The following GALNT1 variants were observed in gnomAD, a reference collection of about 807,000 sequenced individuals.
GALNT1 encodes GalNAc transferase 1.
GALNT1 carries 17 observed loss-of-function variants against 65.7 expected under a neutral mutation model. That is an observed-to-expected ratio of 0.26 (90% confidence interval 0.18 to 0.39). The LOEUF (loss-of-function observed/expected upper bound fraction) is 0.39, where lower values mean the gene tolerates loss of function less well. Among genes scored for constraint, GALNT1 ranks in the 10% least tolerant of loss-of-function variants. GALNT1 has a pLI of 1.00. For missense variants in GALNT1, 460 were observed against 672.8 expected (o/e 0.68, Z 3.50); for synonymous variants, 210 against 219.7 (o/e 0.96, Z 0.39).
In GALNT1 at chr18:35,683,616, G is replaced by C. The variant is rs1568031861; in HGVS notation, c.689+18G>C. ...CATGACAGGTAATTTTCTGGTGTCT[G>C]TAAGTTTGCTTTTAGTACATTTGTC... On this transcript the variant is annotated intron_variant, in intron 5 of 11. Coordinates refer to ENST00000269195, the MANE Select transcript of GALNT1 (RefSeq NM_020474.4). 6.2e-7 allele frequency: 1 copy of C among 1,608,312 alleles called. No individual in the cohort carries two copies. The highest frequency in any genetic ancestry group is 2.2e-5 in the East Asian group (1 of 44,820).
chr18:35,690,181 T>A (rs926844628), intron 7 of GALNT1, among the ~76,000 whole-genome samples: 2 of 152,358 alleles, frequency 1.3e-5, no homozygotes, highest in Admixed American at 1.3e-4. Flanking sequence ...ATTAAGGATG[T>A]AAGCCCATAC....
chr18:35,644,323 A>G (rs1365626854), intron 1 of GALNT1, among the ~76,000 whole-genome samples: 2 of 152,224 alleles, frequency 1.3e-5, no homozygotes, highest in South Asian at 2.1e-4. Context: ...TGGCTATCGA[A>G]TAAGGCTTCT....
chr18:35,632,304 A>G (rs1213109791), intron 1 of GALNT1, among the ~76,000 whole-genome samples: 1 of 152,190 alleles, frequency 6.6e-6, no homozygotes, highest in East Asian at 1.9e-4. Flanking sequence ...AAACTATACT[A>G]CAAGGCTACA....
intron 11 of GALNT1, among the ~76,000 whole-genome samples, chr18:35,707,783 G>T (rs1171160650): frequency 6.6e-6 from 1 of 152,170 alleles, no homozygotes; most frequent in Non-Finnish European, 1.5e-5. Context: ...AGGCCACTGG[G>T]ATAAGCTTTG....
intron 4 of GALNT1, among the ~76,000 whole-genome samples, chr18:35,678,105 G>A (rs1187397211): frequency 2.0e-5 from 3 of 151,960 alleles, no homozygotes; most frequent in Non-Finnish European, 2.9e-5. Flanking sequence ...GAGAGAGACT[G>A]GATTCTGCTT....
rs781622310 is a variant in GALNT1 at position 35,687,149 on chromosome 18, A to G, written c.823A>G (p.Met275Val). The G allele has an allele frequency of 1.2e-6, 2 of 1,613,916 alleles. No individual in the cohort carries two copies. Among genetic ancestry groups the G allele is most frequent in the South Asian group, 1.1e-5 (1 of 91,068 alleles). The stretch of plus-strand genomic sequence containing the variant: ...CTGGTATCCTGTTCCCCAAAGAGAA[A>G]TGGACAGAAGGAAAGGTGATCGGAC... Reference protein sequence around the residue: ...FRWYPVPQREMDRRKGDRTLP... With the variant: ...FRWYPVPQREVDRRKGDRTLP... The change falls in exon 6 of 12, where the codon ATG becomes GTG. Residue 275 changes from methionine (M) to valine (V), a missense_variant. By Grantham distance (21) the Met-to-Val change is conservative (BLOSUM62 1). Transcript: ENST00000269195.
In GALNT1 at chr18:35,677,720, A is replaced by G; in HGVS notation, c.444A>G (p.Ile148Met). 2.5e-6 allele frequency: 4 copies of G among 1,611,282 alleles called. No individual in the cohort carries two copies. Among genetic ancestry groups the G allele is most frequent in the East Asian group, 2.2e-5 (1 of 44,796 alleles). Residue 148 changes from isoleucine to methionine, a missense_variant, in exon 4 of 12, where the codon ATA (isoleucine) becomes ATG (methionine). Transcript: ENST00000269195. ...TTAATCGCTCACCAAGACACATGAT[A>G]GAAGAAATTGTTCTAGTAGATGATG... ...SVINRSPRHM[I>M]EEIVLVDDAS...
intron 9 of GALNT1, among the ~76,000 whole-genome samples, chr18:35,698,210 G>T (rs1043847751): frequency 1.2e-4 from 18 of 152,204 alleles, no homozygotes; most frequent in African/African-American, 4.3e-4. Flanking sequence ...ACTCACACCT[G>T]TAATGGCAGC....
rs556517908 is a variant in GALNT1 at position 35,680,854 on chromosome 18, G to C, written c.482-2537G>C. Among the ~76,000 whole-genome samples, 16 of 152,156 alleles carry C rather than the reference G, an allele frequency of 1.1e-4. No individual in the cohort carries two copies. The East Asian group carries it at 3.1e-3, about 29-fold the overall frequency. Reference sequence around the variant, plus strand: ...TTCTGGTGCAACTTTACTGTTACAGGATCTGTAATAAAGTCAGAATTTGGA... The same window carrying C: ...TTCTGGTGCAACTTTACTGTTACAGCATCTGTAATAAAGTCAGAATTTGGA... On this transcript the variant is annotated intron_variant, in intron 4 of 11. Coordinates refer to ENST00000269195, the MANE Select transcript of GALNT1 (RefSeq NM_020474.4).
intron 1 of GALNT1, among the ~76,000 whole-genome samples, chr18:35,653,555 A>T (rs2047337239): frequency 6.6e-6 from 1 of 152,202 alleles, no homozygotes; most frequent in African/African-American, 2.4e-5. Context: ...TCCACTTCAT[A>T]GGAATGCACT....
intron 3 of GALNT1, among the ~76,000 whole-genome samples, chr18:35,672,007 A>G (rs937947364): frequency 6.6e-6 from 1 of 152,100 alleles, no homozygotes; most frequent in Non-Finnish European, 1.5e-5. Flanking sequence ...TTCCTTTTCA[A>G]ATTGTCTCTA....
chr18:35,695,161 T>C (rs1301138696), intron 9 of GALNT1, among the ~76,000 whole-genome samples: 1 of 152,136 alleles, frequency 6.6e-6, no homozygotes, highest in African/African-American at 2.4e-5. Flanking sequence ...GTAAATTTTA[T>C]GTTATGTGTT....
In GALNT1 at chr18:35,710,734, A is replaced by C. The variant is rs557231746; in HGVS notation, c.*964A>C. 1 of 152,660 alleles carries C rather than the reference A, an allele frequency of 6.6e-6. No individual in the cohort carries two copies. The highest frequency in any genetic ancestry group is 1.5e-5 in the Non-Finnish European group (1 of 68,036). 9.5% of individuals were successfully genotyped at this position (152,660 alleles called of 1,614,324 possible). A position where few individuals can be genotyped will look rare whatever the true frequency, so the allele number is the denominator to read the frequency against. ...CCTAACTGATTATGCGAAATACCCA[A>C]GATTCATGCTACTGTACCACAGATT... On this transcript the variant is annotated 3_prime_UTR_variant, in exon 12 of 12. Transcript: ENST00000269195.
At chr18:35,654,934 T>G (rs2047361397) in intron 2 of GALNT1, 133 bp downstream of exon 2, 1 of 563,720 alleles carries the variant, frequency 1.8e-6, no homozygotes, top group Non-Finnish European at 2.7e-6. Flanking sequence ...GATATGAGGA[T>G]CATATTGATA....
At chr18:35,639,671 AT>A (rs2047136547) in intron 1 of GALNT1, among the ~76,000 whole-genome samples, 1 of 152,106 alleles carries the variant, frequency 6.6e-6, no homozygotes, top group African/African-American at 2.4e-5. Context: ...TTGGAATTTT[AT>A]TTTAGACTTC....
chr18:35,603,079 T>A (rs765227285), intron 1 of GALNT1, among the ~76,000 whole-genome samples: 1 of 152,178 alleles, frequency 6.6e-6, no homozygotes, highest in Non-Finnish European at 1.5e-5. Context: ...GTGCCTTAAG[T>A]CTAGGTTTTC....
intron 11 of GALNT1, among the ~76,000 whole-genome samples, chr18:35,704,276 C>T (rs116657699): frequency 0.082 from 12,421 of 150,994 alleles, 566 homozygotes; most frequent in African/African-American, 0.12. Flanking sequence ...TTTGGCTTAA[C>T]TTCTGTAAGG....
At chr18:35,639,026 A>AAC (rs1434447688) in intron 1 of GALNT1, among the ~76,000 whole-genome samples, 1 of 152,220 alleles carries the variant, frequency 6.6e-6, no homozygotes, top group Non-Finnish European at 1.5e-5. Context: ...CCTTGTGAGG[A>AAC]TGCTATGAAC....
intron 1 of GALNT1, among the ~76,000 whole-genome samples, chr18:35,620,097 G>A (rs1438648102): frequency 1.3e-5 from 2 of 152,100 alleles, no homozygotes; most frequent in Non-Finnish European, 2.9e-5. Context: ...TTCCTCTCAG[G>A]ATATGGCAGC....
Sources: allele counts gnomAD v4.1 joint callset (sites outside exome capture counted in the v4.1 genomes callset), GRCh38; gene constraint gnomAD v4.1.1; transcripts MANE v1.5; gene names NCBI Gene and HGNC (gene_info 2026-07-23, HGNC 2026-07-21).